AKAP13: variants seen among roughly 807,000 people sequenced by gnomAD.
The protein encoded by AKAP13 is A-kinase anchor protein 13.
AKAP13 carries 80 observed loss-of-function variants against 264.5 expected under a neutral mutation model. The ratio of observed to expected loss-of-function variants is 0.30; its 90% CI spans 0.25 to 0.36. AKAP13 has a LOEUF of 0.36. Among genes scored for constraint, AKAP13 ranks in the 10% least tolerant of loss-of-function variants. The pLI is 1.00. For synonymous variants in AKAP13, 1,380 were observed against 1,250.2 expected (o/e 1.10, Z -2.19); for missense variants, 3,712 against 3,435.2 (o/e 1.08, Z -2.01).
At chr15:85,433,961 A>T (rs1231375191) in intron 1 of AKAP13, among the ~76,000 whole-genome samples, 2 of 151,686 alleles carry the variant, frequency 1.3e-5, no homozygotes, top group Non-Finnish European at 2.9e-5. Flanking sequence ...AAAATAAAAA[A>T]TAGGGAGGAG....
At position 85,555,613 on chromosome 15, in the gene AKAP13, T is replaced by G; in HGVS notation, c.662+11658T>G. 4 of 593,970 alleles carry G rather than the reference T, an allele frequency of 6.7e-6. 1 individual carries two copies. Among genetic ancestry groups the G allele is most frequent in the South Asian group, 6.0e-5 (4 of 66,802 alleles). 36.8% of individuals were successfully genotyped at this position (593,970 alleles called of 1,614,324 possible). A position where few individuals can be genotyped will look rare whatever the true frequency, so the allele number is the denominator to read the frequency against. On this transcript the variant is annotated intron_variant, in intron 5 of 36. Transcript: ENST00000394518. The stretch of plus-strand genomic sequence containing the variant: ...ATTGAACTTCCCTGAAGGACTTGTG[T>G]TGTTAGGATCAGAAAAGTGTTCTTC...
chr15:85,394,853 T>G (rs1043493248), intron 1 of AKAP13, among the ~76,000 whole-genome samples: 2 of 152,202 alleles, frequency 1.3e-5, no homozygotes, highest in Non-Finnish European at 2.9e-5. Flanking sequence ...AAACTTAGAC[T>G]CTTGGACATG....
At chr15:85,549,613 C>T (rs1053891339) in intron 5 of AKAP13, among the ~76,000 whole-genome samples, 1 of 152,102 alleles carries the variant, frequency 6.6e-6, no homozygotes, top group African/African-American at 2.4e-5. Flanking sequence ...AGTAACTAGT[C>T]CAAGGCTATA....
At chr15:85,618,825 C>T (rs2081049826) in intron 8 of AKAP13, among the ~76,000 whole-genome samples, 1 of 152,188 alleles carries the variant, frequency 6.6e-6, no homozygotes. Context: ...TCAACTCCAT[C>T]ATCCCTTCTC....
intron 1 of AKAP13, among the ~76,000 whole-genome samples, chr15:85,419,935 GTTTTTTTTTTTTTT>G (rs11452064): frequency 1.3e-5 from 1 of 77,970 alleles, no homozygotes; most frequent in Non-Finnish European, 2.3e-5. Context: ...TCTGACTCTT[GTTTTTTTTTTTTTT>G]TTTTTTTTTT....
rs775052119 is a variant in AKAP13, at chr15:85,727,358, C to T, written c.7005-23C>T. ...ATTGACATCTTAGGAATTTTTTGTT[C>T]TGTCTTGTTTGGGTTGTATTAGGAA... On this transcript the variant is annotated intron_variant, in intron 28 of 36. Transcript: ENST00000394518. The surrounding 1 kb of genome is among the most constrained non-coding windows in gnomAD (Gnocchi z 5.3). 25 of 1,613,528 alleles carry T rather than the reference C, an allele frequency of 1.5e-5. No individual in the cohort carries two copies. Among genetic ancestry groups the T allele is most frequent in the Non-Finnish European group, 2.1e-5 (25 of 1,179,832 alleles).
intron 5 of AKAP13, among the ~76,000 whole-genome samples, chr15:85,560,588 G>A (rs2078335239): frequency 6.6e-6 from 1 of 152,070 alleles, no homozygotes. Flanking sequence ...GCTCCATTTT[G>A]TAGTCTGATA....
chr15:85,420,920 TA>T (rs965495746), intron 1 of AKAP13, among the ~76,000 whole-genome samples: 12 of 149,494 alleles, frequency 8.0e-5, no homozygotes, highest in Admixed American at 2.7e-4. Context: ...CGTGTCTCTC[TA>T]AAAAAAAAAT....
intron 1 of AKAP13, among the ~76,000 whole-genome samples, chr15:85,427,072 C>T (rs1414599965): frequency 6.6e-6 from 1 of 151,218 alleles, no homozygotes; most frequent in Admixed American, 6.6e-5. Context: ...TCTCCTGCCT[C>T]AGCCTCCCGA....
intron 2 of AKAP13, among the ~76,000 whole-genome samples, chr15:85,501,095 C>T (rs2076026383): frequency 6.6e-6 from 1 of 152,176 alleles, no homozygotes; most frequent in Non-Finnish European, 1.5e-5. Flanking sequence ...GTGATCTTCA[C>T]CTACCATCAC....
chr15:85,508,390 G>T (rs981809662), intron 2 of AKAP13, among the ~76,000 whole-genome samples: 1 of 152,024 alleles, frequency 6.6e-6, no homozygotes, highest in Non-Finnish European at 1.5e-5. Context: ...CAATCCACCT[G>T]CCTCGGCCTC....
intron 4 of AKAP13, among the ~76,000 whole-genome samples, chr15:85,540,176 A>G (rs1596473669): frequency 6.6e-6 from 1 of 152,156 alleles, no homozygotes; most frequent in Non-Finnish European, 1.5e-5. Context: ...GTCCACCAAC[A>G]TGGGCCAAAA....
intron 2 of AKAP13, among the ~76,000 whole-genome samples, chr15:85,491,393 T>C (rs1371434366): frequency 6.6e-6 from 1 of 151,580 alleles, no homozygotes; most frequent in Non-Finnish European, 1.5e-5. Flanking sequence ...GACTACCCTT[T>C]TGAGGAAAAA....
intron 3 of AKAP13, among the ~76,000 whole-genome samples, chr15:85,532,078 A>G (rs554329466): frequency 2.6e-5 from 4 of 152,336 alleles, no homozygotes; most frequent in African/African-American, 9.6e-5. Flanking sequence ...TTTCTCATCT[A>G]TAAATTGAGA....
At chr15:85,454,895 T>A (rs189320449) in intron 1 of AKAP13, among the ~76,000 whole-genome samples, 1 of 152,242 alleles carries the variant, frequency 6.6e-6, no homozygotes, top group Non-Finnish European at 1.5e-5. Context: ...TGATCCAGAT[T>A]ATCTCCTTTC....
intron 8 of AKAP13, among the ~76,000 whole-genome samples, chr15:85,614,834 G>T (rs2080864320): frequency 6.6e-6 from 1 of 152,144 alleles, no homozygotes. Flanking sequence ...CACCTTACAG[G>T]TTTTTATGAG....
rs2083374732 is a variant in AKAP13 at position 85,380,629 on chromosome 15, G to C, written c.-181G>C. The C allele has an allele frequency of 6.8e-6, 1 of 146,042 alleles. No individual in the cohort carries two copies. Among genetic ancestry groups the C allele is most frequent in the Non-Finnish European group, 1.5e-5 (1 of 66,250 alleles). 9.0% of individuals were successfully genotyped at this position (146,042 alleles called of 1,614,324 possible). On this transcript the variant is annotated 5_prime_UTR_variant, in exon 1 of 37. Transcript: ENST00000394518. ...TGTGCAGGGCCAGCGCGGAGCCCGA[G>C]CAGCCGCGGTGAAGCGCCTGTGCTC...
chr15:85,693,169 C>T lies in AKAP13; in HGVS notation c.5290-108C>T, dbSNP rs368965600. 4.4e-5 allele frequency: 61 copies of T among 1,401,228 alleles called. 1 individual carries two copies. Among genetic ancestry groups the T allele is most frequent in the East Asian group, 3.3e-4 (12 of 36,014 alleles). 86.8% of individuals were successfully genotyped at this position (1,401,228 alleles called of 1,614,324 possible). On this transcript the variant is annotated intron_variant, in intron 16 of 36. Transcript: ENST00000394518. Reference sequence around the variant, plus strand: ...CCAGAACTTTGTTTCTCACTCCTTTCCAAAATAGTCACCAGCTGTTGTTAA... The same window carrying T: ...CCAGAACTTTGTTTCTCACTCCTTTTCAAAATAGTCACCAGCTGTTGTTAA...
At chr15:85,499,049 A>C (rs2075968513) in intron 2 of AKAP13, among the ~76,000 whole-genome samples, 1 of 152,226 alleles carries the variant, frequency 6.6e-6, no homozygotes, top group African/African-American at 2.4e-5. Context: ...TGTGTAACCC[A>C]TCAGCAGTGG....
Sources: gnomAD v4.1 joint callset for allele counts (sites outside exome capture counted in the v4.1 genomes callset) on GRCh38, gnomAD v4.1.1 for gene constraint, Gnocchi (gnomAD v3.1) non-coding constraint, MANE v1.5 for transcripts, NCBI Gene and HGNC (gene_info 2026-07-23, HGNC 2026-07-21) for gene names.